Variants in NCOA2 observed in about 807,000 individuals in gnomAD.
The protein encoded by NCOA2 is class E basic helix-loop-helix protein 75.
Under a neutral mutation model 145.1 loss-of-function variants are expected in NCOA2, and 21 were observed. That is an observed-to-expected ratio of 0.14 (90% CI 0.10 to 0.21). The LOEUF (loss-of-function observed/expected upper bound fraction) is 0.21. Ranked by LOEUF, NCOA2 falls within the 10% of genes least tolerant of loss-of-function variation. NCOA2 has a pLI of 1.00. For missense variants in NCOA2, 1,472 were observed against 1,837.6 expected (o/e 0.80, Z 3.64); for synonymous variants, 619 against 637.5 (o/e 0.97, Z 0.44).
Position 70,156,397 on chromosome 8 carries a change from G to C in NCOA2, c.1968C>G (p.Pro656=), listed in dbSNP as rs778893663. ...TTGTATCCGACAAAGAGCTGGCTAA[G>C]GGCGAGGGCTCCATCTGATCAGATT... The part of the protein sequence containing the change: ...TTKSDQMEPS[P]LASSLSDTNK... Residue 656 remains proline, a synonymous_variant, in exon 11 of 23, where the codon CCC becomes CCG. Transcript: ENST00000452400. The C allele has an allele frequency of 2.5e-6, 4 of 1,614,000 alleles. No homozygotes were observed. Among genetic ancestry groups the C allele is most frequent in the Non-Finnish European group, 3.4e-6 (4 of 1,179,900 alleles).
intron 1 of NCOA2, among the ~76,000 whole-genome samples, chr8:70,368,785 G>A (rs750173861): frequency 6.6e-6 from 1 of 152,160 alleles, no homozygotes; most frequent in African/African-American, 2.4e-5. Flanking sequence ...CTGTTGGGCC[G>A]TAAGGGTGCC....
At chr8:70,347,261 GA>G (rs1808751921) in intron 1 of NCOA2, among the ~76,000 whole-genome samples, 1 of 152,058 alleles carries the variant, frequency 6.6e-6, no homozygotes, top group Non-Finnish European at 1.5e-5. Context: ...GAAGCAGACA[GA>G]TCACCTGAGA....
intron 2 of NCOA2, among the ~76,000 whole-genome samples, chr8:70,276,739 T>C (rs1367716581): frequency 1.3e-5 from 2 of 152,186 alleles, no homozygotes. Flanking sequence ...TTAAACCTCT[T>C]TCCTTTATAA....
At chr8:70,161,414 T>C (rs1353870470) in intron 9 of NCOA2, among the ~76,000 whole-genome samples, 1 of 152,226 alleles carries the variant, frequency 6.6e-6, no homozygotes, top group Non-Finnish European at 1.5e-5. Context: ...AGCATCATTA[T>C]TTCCTTGTAT....
At chr8:70,290,828 A>G (rs1392604195) in intron 2 of NCOA2, among the ~76,000 whole-genome samples, 2 of 152,146 alleles carry the variant, frequency 1.3e-5, no homozygotes, top group African/African-American at 4.8e-5. Context: ...AAACAAAACT[A>G]TAAGGTGTTT....
chr8:70,415,473 C>T, the NCOA2 span, among the ~76,000 whole-genome samples: 108 of 152,166 alleles, frequency 7.1e-4, no homozygotes, highest in Admixed American at 1.9e-3. Context: ...CCTTAGAATA[C>T]GATAGATATT....
rs369101709 is a variant in NCOA2 at position 70,157,211 on chromosome 8, T to C, written c.1154A>G (p.Asp385Gly). The stretch of plus-strand genomic sequence containing the variant: ...CTTCCCCATCGTTTGTCCAGTCAGA[T>C]CCGGATTCATCACACACACATTCTG... ...REQNVCVMNPDLTGQTMGKPL... is the reference protein window; with the variant it reads ...REQNVCVMNPGLTGQTMGKPL... Residue 385 changes from aspartate (D) to glycine (G), a missense_variant, in exon 11 of 23, where the codon GAT becomes GGT. Physicochemically the swap from Asp to Gly is moderately conservative, Grantham distance 94. Coordinates refer to ENST00000452400, the MANE Select transcript of NCOA2 (RefSeq NM_006540.4). 3 of 1,568,780 alleles carry C rather than the reference T, an allele frequency of 1.9e-6. No individual in the cohort carries two copies. The African/African-American group carries it at 4.1e-5, about 21-fold the overall frequency.
chr8:70,165,789 A>C (rs552739898), intron 7 of NCOA2, among the ~76,000 whole-genome samples: 22 of 152,132 alleles, frequency 1.4e-4, no homozygotes, highest in African/African-American at 5.1e-4. Context: ...CCTTGAAAGT[A>C]TATTTAAAAG....
chr8:70,137,938 T>C (rs1027892607), intron 15 of NCOA2: 6 of 279,188 alleles, frequency 2.1e-5, no homozygotes, highest in African/African-American at 4.4e-5. Flanking sequence ...TTCTGAAACA[T>C]GGCTTATGAT....
At chr8:70,291,565 C>A (rs1325884344) in intron 2 of NCOA2, among the ~76,000 whole-genome samples, 1 of 152,134 alleles carries the variant, frequency 6.6e-6, no homozygotes, top group Non-Finnish European at 1.5e-5. Flanking sequence ...CAACATCATT[C>A]TACTTGTCTG....
chr8:70,430,775 C>A, the NCOA2 span, among the ~76,000 whole-genome samples: 1 of 152,184 alleles, frequency 6.6e-6, no homozygotes, highest in African/African-American at 2.4e-5. Context: ...AAGGAACTCT[C>A]ACCTGAGTAA....
intron 22 of NCOA2, among the ~76,000 whole-genome samples, chr8:70,115,825 AC>A (rs1342412521): frequency 2.0e-5 from 3 of 152,208 alleles, no homozygotes; most frequent in African/African-American, 7.2e-5. Flanking sequence ...GGTTGTACAT[AC>A]TAGCTCTGCT....
chr8:70,168,010 G>A (rs1813822176), intron 6 of NCOA2, among the ~76,000 whole-genome samples: 1 of 152,068 alleles, frequency 6.6e-6, no homozygotes, highest in East Asian at 1.9e-4. Flanking sequence ...AAATATACTG[G>A]GGACAGTAGG....
intron 10 of NCOA2, among the ~76,000 whole-genome samples, chr8:70,159,243 T>TATATATATATATATATATATGTATATA (rs869045939): frequency 7.3e-5 from 6 of 82,068 alleles, no homozygotes; most frequent in Admixed American, 1.5e-4. Context: ...TATATATATA[T>TATATATATATATATATATATGTATATA]TTTTTTTTTT....
chr8:70,155,758 C>CA (rs1812208296), intron 11 of NCOA2, among the ~76,000 whole-genome samples: 1 of 152,066 alleles, frequency 6.6e-6, no homozygotes, highest in Non-Finnish European at 1.5e-5. Flanking sequence ...TTGGTCCTCA[C>CA]AAAAAAAGGC....
intron 2 of NCOA2, among the ~76,000 whole-genome samples, chr8:70,226,059 A>G (rs1215349628): frequency 6.6e-6 from 1 of 152,174 alleles, no homozygotes; most frequent in Non-Finnish European, 1.5e-5. Flanking sequence ...AATAATCTAA[A>G]TTGATGGTGA....
intron 1 of NCOA2, among the ~76,000 whole-genome samples, chr8:70,353,432 GC>G (rs1228046596): frequency 6.7e-6 from 1 of 148,620 alleles, no homozygotes; most frequent in African/African-American, 2.5e-5. Context: ...ATGTTTATAA[GC>G]CAACTTTTTC....
At chr8:70,403,817 G>GT, upstream of NCOA2, 1 of 397,008 alleles carries the variant, frequency 2.5e-6, no homozygotes, top group Non-Finnish European at 4.4e-6. Flanking sequence ...CTGCCTGGTT[G>GT]TTTATTTCAA....
At chr8:70,206,141 G>A (rs569578306) in intron 4 of NCOA2, among the ~76,000 whole-genome samples, 4 of 152,350 alleles carry the variant, frequency 2.6e-5, no homozygotes, top group South Asian at 2.1e-4. Context: ...AAATGTGCCC[G>A]CAGTGTCACA....
Sources: allele counts gnomAD v4.1 joint callset (sites outside exome capture counted in the v4.1 genomes callset), GRCh38; gene constraint gnomAD v4.1.1; transcripts MANE v1.5; gene names NCBI Gene and HGNC (gene_info 2026-07-23, HGNC 2026-07-21).